The following ACACA variants were observed in gnomAD, a reference collection of about 807,000 sequenced individuals.
ACACA encodes the protein acetyl-CoA carboxylase 1.
ACACA carries 103 observed loss-of-function variants against 296.1 expected under a neutral mutation model. That is an observed-to-expected ratio of 0.35 (90% CI 0.30 to 0.41). The LOEUF is 0.41. Ranked by LOEUF, ACACA falls within the 10% of genes least tolerant of loss-of-function variation. ACACA has a pLI of 1.00. For missense variants in ACACA, 1,554 were observed against 2,989.7 expected, an observed-to-expected ratio of 0.52 and a Z score of 11.20; for synonymous variants, 953 against 1,038.6, an observed-to-expected ratio of 0.92 and a Z score of 1.58.
chr17:37,236,845 C>T (rs988227558), intron 24 of ACACA, among the ~76,000 whole-genome samples: 1 of 151,546 alleles, frequency 6.6e-6, no homozygotes, highest in South Asian at 2.1e-4. Flanking sequence ...GAACACACAC[C>T]AAACAAAAAA....
chr17:37,092,394 A>G (rs2072707484), intron 54 of ACACA, among the ~76,000 whole-genome samples: 1 of 152,208 alleles, frequency 6.6e-6, no homozygotes, highest in South Asian at 2.1e-4. Context: ...GCCACCTGTC[A>G]GCATATCCAT....
At chr17:37,348,928 G>C (rs1237089615) in intron 1 of ACACA, among the ~76,000 whole-genome samples, 1 of 138,390 alleles carries the variant, frequency 7.2e-6, no homozygotes, top group Non-Finnish European at 1.5e-5. Flanking sequence ...CAGCCTGGGC[G>C]ACAGAGTGAG....
intron 3 of ACACA, among the ~76,000 whole-genome samples, chr17:37,321,669 A>G (rs1198747296): frequency 6.6e-6 from 1 of 152,158 alleles, no homozygotes; most frequent in Non-Finnish European, 1.5e-5. Flanking sequence ...AATGGCGTGA[A>G]CCCAGGAGGC....
At chr17:37,157,386 G>A (rs140970608) in intron 42 of ACACA, among the ~76,000 whole-genome samples, 4 of 152,154 alleles carry the variant, frequency 2.6e-5, no homozygotes, top group Admixed American at 6.5e-5. Context: ...AGGGCAGAGT[G>A]GTACTGGAAA....
chr17:37,320,149 T>A (rs1225373813), intron 3 of ACACA, among the ~76,000 whole-genome samples: 1 of 151,790 alleles, frequency 6.6e-6, no homozygotes, highest in Non-Finnish European at 1.5e-5. Context: ...CAAGTATATA[T>A]AAATATATAT....
At chr17:37,380,610 G>C (rs1203678135) in intron 1 of ACACA, among the ~76,000 whole-genome samples, 2 of 150,318 alleles carry the variant, frequency 1.3e-5, no homozygotes, top group Non-Finnish European at 3.0e-5. Flanking sequence ...TTTTGTTTTT[G>C]TTTTTGAGAT....
intron 29 of ACACA, 24 bp from the exon 30 acceptor site, chr17:37,210,514 G>C: frequency 6.2e-7 from 1 of 1,607,042 alleles, no homozygotes; most frequent in Non-Finnish European, 8.5e-7. Flanking sequence ...ACCACAGTTA[G>C]TTACTGATAA....
chr17:37,211,075 C>T (rs991956756), intron 29 of ACACA, among the ~76,000 whole-genome samples: 4 of 152,238 alleles, frequency 2.6e-5, no homozygotes, highest in Middle Eastern at 3.4e-3. Flanking sequence ...CCATACTCTT[C>T]CTCCCATGAA....
At chr17:37,193,575 C>T (rs1344204360) in intron 35 of ACACA, 160 bp from the exon 36 acceptor site, 5 of 535,438 alleles carry the variant, frequency 9.3e-6, no homozygotes, top group Non-Finnish European at 1.7e-5. Context: ...TGATCCTCCG[C>T]ATAACCATCA....
At chr17:37,304,894 G>A (rs1015352066) in intron 3 of ACACA, among the ~76,000 whole-genome samples, 74 of 151,754 alleles carry the variant, frequency 4.9e-4, no homozygotes, top group African/African-American at 1.7e-3. Flanking sequence ...CCAGGAGTTC[G>A]AAACCAGCCT....
At chr17:37,098,054 A>T in intron 52 of ACACA, 70 bp from the exon 53 acceptor site, 1 of 1,598,296 alleles carries the variant, frequency 6.3e-7, no homozygotes, top group Non-Finnish European at 8.6e-7. Flanking sequence ...AAGCAGCCAC[A>T]ATCACGGGAA....
At chr17:37,365,316 C>G (rs779395654) in intron 1 of ACACA, 2 of 411,924 alleles carry the variant, frequency 4.9e-6, no homozygotes, top group Non-Finnish European at 6.5e-6. Context: ...TTTTAGCTCT[C>G]CAGTTAAATC....
chr17:37,370,812 C>T (rs2049776948), intron 1 of ACACA, among the ~76,000 whole-genome samples: 1 of 151,734 alleles, frequency 6.6e-6, no homozygotes, highest in Non-Finnish European at 1.5e-5. Flanking sequence ...GGCGAAACCC[C>T]GTCTCTACTA....
intron 47 of ACACA, among the ~76,000 whole-genome samples, chr17:37,127,458 A>AGCCG (rs2074844007): frequency 6.6e-6 from 1 of 152,208 alleles, no homozygotes; most frequent in South Asian, 2.1e-4. Flanking sequence ...GAACCTTAGA[A>AGCCG]GCCGGCTAAG....
chr17:37,395,914 T>C (rs541151897), intron 1 of ACACA, among the ~76,000 whole-genome samples: 1 of 152,366 alleles, frequency 6.6e-6, no homozygotes, highest in South Asian at 2.1e-4. Context: ...GATAGGTAGT[T>C]GCTTAGGGCA....
At chr17:37,125,841 ATTGACAATGTGCTGGAAC>A in intron 47 of ACACA, 47 bp from the exon 48 acceptor site, 1 of 1,512,810 alleles carries the variant, frequency 6.6e-7, no homozygotes. Context: ...CAGTGAATCC[ATTGACAATGTGCTGGAAC>A]TGACGAATTT....
intron 1 of ACACA, among the ~76,000 whole-genome samples, chr17:37,361,366 C>A (rs886077057): frequency 5.9e-5 from 9 of 152,082 alleles, no homozygotes; most frequent in Non-Finnish European, 1.2e-4. Flanking sequence ...TTGCTGTTTA[C>A]CAGCTTTACA....
Position 37,283,283 on chromosome 17 carries a change from G to A in ACACA, c.594C>T (p.Asp198=). The A allele has an allele frequency of 6.2e-7, 1 of 1,614,092 alleles. No individual in the cohort carries two copies. The highest frequency in any genetic ancestry group is 1.1e-5 in the South Asian group (1 of 91,078). Residue 198 remains aspartate, a synonymous_variant, in exon 5 of 56, where the codon GAC becomes GAT. Coordinates refer to ENST00000616317, the MANE Select transcript of ACACA (RefSeq NM_198834.3). ...IRFVVMVTPE[D]LKANAEYIKM... ...ATAACTCACCTGCATTGGCTTTAAG[G>A]TCTTCAGGTGTGACCATGACAACGA...
intron 45 of ACACA, among the ~76,000 whole-genome samples, chr17:37,143,201 T>C (rs2075667783): frequency 7.2e-6 from 1 of 138,712 alleles, no homozygotes; most frequent in South Asian, 2.2e-4. Flanking sequence ...TCCATGCTCA[T>C]AACATCTTTT....
Sources: allele counts gnomAD v4.1 joint callset (sites outside exome capture counted in the v4.1 genomes callset), GRCh38; gene constraint gnomAD v4.1.1; transcripts MANE v1.5; gene names NCBI Gene and HGNC (gene_info 2026-07-23, HGNC 2026-07-21).